Variants in CCSER1 observed in about 807,000 individuals in gnomAD.
CCSER1 encodes serine-rich coiled-coil domain-containing protein 1.
Under a neutral mutation model 82.0 loss-of-function variants are expected in CCSER1, and 41 were observed. The observed-to-expected ratio is 0.50, with a 90% CI of 0.39 to 0.65. CCSER1 has a LOEUF of 0.65. Ranked by LOEUF, CCSER1 falls within the 30% of genes least tolerant of loss-of-function variation. CCSER1 has a pLI of 0.00. For synonymous variants in CCSER1, 414 were observed against 383.9 expected, an observed-to-expected ratio of 1.08 and a Z score of -0.92; for missense variants, 1,119 against 1,064.2, an observed-to-expected ratio of 1.05 and a Z score of -0.72.
At chr4:90,816,081 C>G (rs1451945366) in intron 8 of CCSER1, among the ~76,000 whole-genome samples, 1 of 152,144 alleles carries the variant, frequency 6.6e-6, no homozygotes. Context: ...AAACATATCA[C>G]TGAACCAGGA....
At chr4:90,393,454 G>A (rs1194307430) in intron 3 of CCSER1, among the ~76,000 whole-genome samples, 1 of 152,084 alleles carries the variant, frequency 6.6e-6, no homozygotes, top group African/African-American at 2.4e-5. Context: ...ATGCTGACTA[G>A]GCTGTAAACG....
chr4:90,745,042 T>G (rs904007031), intron 7 of CCSER1, among the ~76,000 whole-genome samples: 6 of 152,038 alleles, frequency 3.9e-5, no homozygotes, highest in Non-Finnish European at 5.9e-5. Flanking sequence ...GACCACAAAC[T>G]CGGTGGCTTA....
intron 9 of CCSER1, among the ~76,000 whole-genome samples, chr4:91,051,598 A>C (rs1743011928): frequency 6.6e-6 from 1 of 152,142 alleles, no homozygotes; most frequent in Admixed American, 6.5e-5. Context: ...GCAAAACACT[A>C]AAAATGGATT....
intron 1 of CCSER1, among the ~76,000 whole-genome samples, chr4:90,143,784 A>G (rs1276091323): frequency 6.6e-6 from 1 of 151,616 alleles, no homozygotes; most frequent in Non-Finnish European, 1.5e-5. Context: ...TCCCGGGCTC[A>G]AGCAATCCTC....
chr4:90,411,977 G>A (rs903424536), intron 4 of CCSER1, among the ~76,000 whole-genome samples: 3 of 149,826 alleles, frequency 2.0e-5, no homozygotes, highest in African/African-American at 7.3e-5. Flanking sequence ...ATACACCAAA[G>A]GATTATAAAT....
intron 10 of CCSER1, among the ~76,000 whole-genome samples, chr4:91,212,124 G>A (rs1247691054): frequency 1.3e-5 from 2 of 151,944 alleles, no homozygotes; most frequent in Admixed American, 1.3e-4. Context: ...TTAGATAAAA[G>A]CATTTGGTAC....
chr4:90,254,449 A>G (rs10013360), intron 1 of CCSER1, among the ~76,000 whole-genome samples: 13,297 of 152,188 alleles, frequency 0.087, 1,255 homozygotes, highest in East Asian at 0.25. Flanking sequence ...TGAAACAAGG[A>G]CATTCAGGGC....
In CCSER1 at chr4:91,511,252, T is replaced by A. The variant is rs1007088614; in HGVS notation, c.2218-87320T>A. 3.3e-4 allele frequency among the ~76,000 whole-genome samples: 50 copies of A among 152,164 alleles called. 1 individual carries two copies. ...CTTTATAGTATAGTCTAAAGTTGAG[T>A]AATATGATGCCTCTGGCCTTCTTAT... On this transcript the variant is annotated intron_variant, in intron 10 of 10. Coordinates refer to ENST00000509176, the MANE Select transcript of CCSER1 (RefSeq NM_001145065.2).
intron 10 of CCSER1, among the ~76,000 whole-genome samples, chr4:91,126,511 A>G (rs971934304): frequency 1.3e-5 from 2 of 151,998 alleles, no homozygotes; most frequent in African/African-American, 2.4e-5. Context: ...CAGCTTATTT[A>G]TCATAAAATA....
In CCSER1 at chr4:90,824,942, T is replaced by A. The variant is rs117466202; in HGVS notation, c.2094+9097T>A. On this transcript the variant is annotated intron_variant, in intron 8 of 10. Coordinates refer to ENST00000509176, the MANE Select transcript of CCSER1 (RefSeq NM_001145065.2). ...AGGCTTATCTCAGCAGTAATTACTC[T>A]CCTAGTCAGCTCTGTAAGACAGATG... Among the ~76,000 whole-genome samples, 63 of 152,280 alleles carry A rather than the reference T, an allele frequency of 4.1e-4. 1 individual carries two copies. The East Asian group carries it at 0.011, about 28-fold the overall frequency.
At chr4:90,861,926 A>ATATATTTT (rs1486179354) in intron 8 of CCSER1, among the ~76,000 whole-genome samples, 4 of 125,682 alleles carry the variant, frequency 3.2e-5, no homozygotes, top group African/African-American at 8.3e-5. Flanking sequence ...ATATATATAT[A>ATATATTTT]TTTTTTTTTT....
At chr4:90,684,992 A>G (rs1435278266) in intron 6 of CCSER1, among the ~76,000 whole-genome samples, 1 of 152,148 alleles carries the variant, frequency 6.6e-6, no homozygotes, top group Non-Finnish European at 1.5e-5. Flanking sequence ...AGTCTCGGGT[A>G]TGTCTTTATC....
intron 10 of CCSER1, among the ~76,000 whole-genome samples, chr4:91,429,308 G>A (rs746965972): frequency 4.6e-5 from 7 of 151,742 alleles, no homozygotes; most frequent in Non-Finnish European, 8.8e-5. Flanking sequence ...ATTTAAGTAC[G>A]TTCAAATGCA....
intron 10 of CCSER1, among the ~76,000 whole-genome samples, chr4:91,310,176 C>T (rs1452914716): frequency 6.6e-6 from 1 of 151,888 alleles, no homozygotes; most frequent in African/African-American, 2.4e-5. Context: ...TGCCACATCC[C>T]GTGTTCTGCA....
chr4:90,305,765 G>A (rs559441255), intron 1 of CCSER1, among the ~76,000 whole-genome samples: 5 of 152,280 alleles, frequency 3.3e-5, no homozygotes, highest in Non-Finnish European at 7.4e-5. Flanking sequence ...ATGGAACACA[G>A]TATGGAGGTT....
At chr4:91,416,822 A>G (rs1166517568) in intron 10 of CCSER1, among the ~76,000 whole-genome samples, 1 of 152,234 alleles carries the variant, frequency 6.6e-6, no homozygotes, top group African/African-American at 2.4e-5. Flanking sequence ...ACATGTCAAA[A>G]GGAATTGCAA....
At chr4:90,261,820 T>A (rs532888124) in intron 1 of CCSER1, among the ~76,000 whole-genome samples, 1 of 152,272 alleles carries the variant, frequency 6.6e-6, no homozygotes, top group East Asian at 1.9e-4. Flanking sequence ...TTCATCTTTG[T>A]CTGATTGGTT....
At chr4:90,226,138 A>G (rs964961370) in intron 1 of CCSER1, among the ~76,000 whole-genome samples, 2 of 152,180 alleles carry the variant, frequency 1.3e-5, no homozygotes, top group East Asian at 3.9e-4. Flanking sequence ...TGAGTGGGGT[A>G]ATTTTGGATT....
At chr4:91,105,876 G>C (rs1040092825) in intron 10 of CCSER1, among the ~76,000 whole-genome samples, 1 of 151,632 alleles carries the variant, frequency 6.6e-6, no homozygotes, top group South Asian at 2.1e-4. Flanking sequence ...CCTACTTACG[G>C]TTTTTGTTTT....
Sources: allele counts gnomAD v4.1 joint callset (sites outside exome capture counted in the v4.1 genomes callset), GRCh38; gene constraint gnomAD v4.1.1; transcripts MANE v1.5; gene names NCBI Gene and HGNC (gene_info 2026-07-23, HGNC 2026-07-21).